The following GRB10 variants were observed in gnomAD, a reference collection of about 807,000 sequenced individuals.
GRB10 encodes the protein growth factor receptor bound protein 10.
In GRB10, 20 loss-of-function variants were observed where a neutral mutation model predicts 80.9. That is an observed-to-expected ratio of 0.25 (90% confidence interval 0.17 to 0.36). The LOEUF is 0.36. Among genes scored for constraint, GRB10 ranks in the 10% least tolerant of loss-of-function variants. The pLI is 1.00. For missense variants in GRB10, 548 were observed against 747.7 expected, an observed-to-expected ratio of 0.73 and a Z score of 3.12; for synonymous variants, 291 against 291.5, an observed-to-expected ratio of 1.00 and a Z score of 0.02.
At chr7:50,663,445 C>T (rs1430508009) in intron 7 of GRB10, among the ~76,000 whole-genome samples, 2 of 152,198 alleles carry the variant, frequency 1.3e-5, no homozygotes, top group African/African-American at 4.8e-5. Flanking sequence ...CTCTCACCAT[C>T]GAGTCCCTCC....
intron 7 of GRB10, among the ~76,000 whole-genome samples, chr7:50,634,365 C>T (rs2054555287): frequency 6.6e-6 from 1 of 152,064 alleles, no homozygotes; most frequent in South Asian, 2.1e-4. Flanking sequence ...CACTACTAGA[C>T]AAATCCTACA....
At chr7:50,785,547 C>A (rs1253978502), upstream of GRB10, among the ~76,000 whole-genome samples, 1 of 152,240 alleles carries the variant, frequency 6.6e-6, no homozygotes, top group Non-Finnish European at 1.5e-5. Context: ...CACCCCAACC[C>A]CTTCCCAGCA....
intron 4 of GRB10, among the ~76,000 whole-genome samples, chr7:50,715,225 C>G (rs1215605308): frequency 6.6e-6 from 1 of 151,512 alleles, no homozygotes; most frequent in African/African-American, 2.4e-5. Flanking sequence ...AGGGCAGGCG[C>G]GATCTGGAGC....
intron 5 of GRB10, among the ~76,000 whole-genome samples, chr7:50,696,109 C>T (rs2063383163): frequency 6.6e-6 from 1 of 152,114 alleles, no homozygotes; most frequent in African/African-American, 2.4e-5. Flanking sequence ...TCTTGTCTTT[C>T]CCTATTTCCT....
At chr7:50,604,890 G>A (rs1224392819) in intron 15 of GRB10, 1 of 297,096 alleles carries the variant, frequency 3.4e-6, no homozygotes, top group East Asian at 8.6e-5. Context: ...CCTCAGGGGT[G>A]AGGGAGTGGC....
chr7:50,747,820 C>A (rs1245027988), intron 3 of GRB10, among the ~76,000 whole-genome samples: 1 of 149,160 alleles, frequency 6.7e-6, no homozygotes, highest in Non-Finnish European at 1.5e-5. Flanking sequence ...AGACCTCGGG[C>A]CTGGGCAAGT....
chr7:50,640,613 A>G (rs1430770050), intron 7 of GRB10, among the ~76,000 whole-genome samples: 2 of 152,220 alleles, frequency 1.3e-5, no homozygotes, highest in African/African-American at 4.8e-5. Flanking sequence ...ACTTGACCAT[A>G]AAGAGAATTT....
intron 7 of GRB10, among the ~76,000 whole-genome samples, chr7:50,643,195 T>A (rs1229952535): frequency 6.6e-6 from 1 of 152,150 alleles, no homozygotes; most frequent in Non-Finnish European, 1.5e-5. Flanking sequence ...ACTGCAGGAC[T>A]GAGTATGAGC....
chr7:50,597,252 C>T (rs534838427), intron 17 of GRB10, among the ~76,000 whole-genome samples: 1 of 152,344 alleles, frequency 6.6e-6, no homozygotes, highest in South Asian at 2.1e-4. Context: ...TTGTGTGCTT[C>T]AGGATATACT....
intron 2 of GRB10, among the ~76,000 whole-genome samples, 180 bp from the exon 3 acceptor site, chr7:50,756,236 T>C (rs144438549): frequency 1.2e-3 from 186 of 152,358 alleles, no homozygotes; most frequent in African/African-American, 3.3e-3. Flanking sequence ...TGTAGGTTTC[T>C]AGTTGTCACA....
chr7:50,616,394 A>G, intron 10 of GRB10, 47 bp from the exon 11 acceptor site: 1 of 1,551,656 alleles, frequency 6.4e-7, no homozygotes, highest in Non-Finnish European at 8.9e-7. Context: ...AATCTAAAAT[A>G]ATTAAAGCAG....
intron 8 of GRB10, among the ~76,000 whole-genome samples, chr7:50,626,391 C>T (rs774175998): frequency 2.6e-5 from 4 of 152,364 alleles, no homozygotes; most frequent in Non-Finnish European, 5.9e-5. Context: ...ATAACCATGG[C>T]TCCCTTCTTC....
At chr7:50,752,317 G>A (rs1417611814) in intron 3 of GRB10, among the ~76,000 whole-genome samples, 2 of 152,130 alleles carry the variant, frequency 1.3e-5, no homozygotes, top group South Asian at 2.1e-4. Flanking sequence ...TGTCAAAAAA[G>A]GAAGGCTGAG....
chr7:50,714,438 C>T (rs996123246), intron 4 of GRB10, among the ~76,000 whole-genome samples: 1 of 152,140 alleles, frequency 6.6e-6, no homozygotes, highest in Admixed American at 6.5e-5. Flanking sequence ...TCAAGGTATG[C>T]AGATCACGAG....
intron 7 of GRB10, among the ~76,000 whole-genome samples, chr7:50,663,479 T>C (rs2153630925): frequency 6.6e-6 from 1 of 152,302 alleles, no homozygotes; most frequent in Non-Finnish European, 1.5e-5. Context: ...GCCATGTGAC[T>C]AGGGTCCTTC....
At chr7:50,730,957 A>G (rs1469231461) in intron 4 of GRB10, among the ~76,000 whole-genome samples, 1 of 152,200 alleles carries the variant, frequency 6.6e-6, no homozygotes, top group South Asian at 2.1e-4. Flanking sequence ...AGTGGCAGGC[A>G]GGGGTGAAGG....
chr7:50,697,754 G>T (rs2063626681), intron 5 of GRB10, among the ~76,000 whole-genome samples: 1 of 152,200 alleles, frequency 6.6e-6, no homozygotes, highest in African/African-American at 2.4e-5. Context: ...GTTGAACTTG[G>T]TGTCAGGCAC....
At chr7:50,760,661 C>T (rs965738774) in intron 2 of GRB10, among the ~76,000 whole-genome samples, 1 of 152,108 alleles carries the variant, frequency 6.6e-6, no homozygotes, top group Non-Finnish European at 1.5e-5. Context: ...GTACTTGGCA[C>T]AAAAATACAT....
chr7:50,611,002 T>G (rs74487270), intron 13 of GRB10, among the ~76,000 whole-genome samples: 1 of 151,154 alleles, frequency 6.6e-6, no homozygotes, highest in African/African-American at 2.4e-5. Context: ...CTTTTTTTTT[T>G]GCCTTTTCCA....
Sources: gnomAD v4.1 joint callset for allele counts (sites outside exome capture counted in the v4.1 genomes callset) on GRCh38, gnomAD v4.1.1 for gene constraint, MANE v1.5 for transcripts, NCBI Gene and HGNC (gene_info 2026-07-23, HGNC 2026-07-21) for gene names.